The following SGIP1 variants were observed in gnomAD, a reference collection of about 807,000 sequenced individuals.
SGIP1 encodes SH3-containing GRB2-like protein 3-interacting protein 1.
SGIP1 carries 38 observed loss-of-function variants against 107.5 expected under a neutral mutation model. The ratio of observed to expected loss-of-function variants is 0.35; its 90% CI spans 0.27 to 0.46. The LOEUF is 0.46. Ranked by LOEUF, SGIP1 falls within the 20% of genes least tolerant of loss-of-function variation. SGIP1 has a pLI of 1.00. For missense variants in SGIP1, 929 were observed against 1,019.5 expected (o/e 0.91, Z 1.21); for synonymous variants, 365 against 366.1 (o/e 1.00, Z 0.03).
In SGIP1 at chr1:66,642,815, A is replaced by G; in HGVS notation, c.234A>G (p.Ser78=). The change falls in exon 6 of 25, where the codon TCA becomes TCG. Residue 78 remains serine (S), a synonymous_variant. Coordinates refer to ENST00000371037, the MANE Select transcript of SGIP1 (RefSeq NM_032291.4). ...TGTGCACTTGTGTTTTATAGAACTC[A>G]CCTGAGCTGGATGAAGAAGGCTACA... is the stretch of plus-strand genomic sequence containing the variant. ...YAEIDWERYN[S]PELDEEGYSI... The G allele has an allele frequency of 1.2e-6, 2 of 1,612,100 alleles. No individual in the cohort carries two copies. The highest frequency in any genetic ancestry group is 1.7e-4 in the Middle Eastern group (1 of 6,046).
chr1:66,703,017 C>T (rs2092123819), intron 18 of SGIP1, among the ~76,000 whole-genome samples: 1 of 152,114 alleles, frequency 6.6e-6, no homozygotes, highest in African/African-American at 2.4e-5. Flanking sequence ...TATGCGTGGA[C>T]AATTTTAAAA....
At chr1:66,683,894 T>G (rs187382846) in intron 15 of SGIP1, among the ~76,000 whole-genome samples, 1 of 151,886 alleles carries the variant, frequency 6.6e-6, no homozygotes, top group Admixed American at 6.6e-5. Flanking sequence ...AGACAGGGTT[T>G]TCAGTAGAGA....
At chr1:66,554,845 C>T (rs979193167) in intron 1 of SGIP1, among the ~76,000 whole-genome samples, 3 of 152,076 alleles carry the variant, frequency 2.0e-5, no homozygotes, top group Non-Finnish European at 4.4e-5. Flanking sequence ...TCCAACTTTG[C>T]TACCGATTTT....
chr1:66,722,901 T>C (rs2093606920), intron 19 of SGIP1, among the ~76,000 whole-genome samples: 1 of 152,186 alleles, frequency 6.6e-6, no homozygotes, highest in Admixed American at 6.5e-5. Flanking sequence ...AATATTAGTG[T>C]TTTTCCTATA....
intron 17 of SGIP1, chr1:66,695,197 A>G: frequency 1.3e-6 from 1 of 781,842 alleles, no homozygotes; most frequent in Non-Finnish European, 1.9e-6. Context: ...GCGACCACCA[A>G]CACATTCCCA....
At chr1:66,726,092 T>C (rs1048419783) in intron 19 of SGIP1, among the ~76,000 whole-genome samples, 1 of 152,158 alleles carries the variant, frequency 6.6e-6, no homozygotes, top group Admixed American at 6.5e-5. Context: ...CTGGGGACAC[T>C]ACATGCACTG....
At chr1:66,569,106 C>T (rs10889630) in intron 1 of SGIP1, among the ~76,000 whole-genome samples, 19,474 of 151,940 alleles carry the variant, frequency 0.13, 1,332 homozygotes, top group Admixed American at 0.18. Context: ...GAGCTTATAC[C>T]TGGAAGGATA....
intron 22 of SGIP1, among the ~76,000 whole-genome samples, chr1:66,740,044 CT>C (rs1366150268): frequency 2.6e-5 from 4 of 152,200 alleles, no homozygotes; most frequent in African/African-American, 7.2e-5. Context: ...CTCTGTCTCC[CT>C]TCTGTCTTCT....
At chr1:66,648,750 G>A (rs535955686) in intron 7 of SGIP1, among the ~76,000 whole-genome samples, 3 of 152,172 alleles carry the variant, frequency 2.0e-5, no homozygotes, top group African/African-American at 7.2e-5. Flanking sequence ...TAAATATTTT[G>A]TTCTAGAATT....
chr1:66,626,122 C>T (rs4655644), intron 2 of SGIP1: 43,966 of 216,384 alleles, frequency 0.2, 5,684 homozygotes, highest in East Asian at 0.54. Context: ...GTTTTTATCA[C>T]ATTTTTCTTT....
Position 66,639,938 on chromosome 1 carries a change from G to A in SGIP1, c.228+105G>A, listed in dbSNP as rs1027108086. The A allele has an allele frequency of 1.0e-5, 9 of 876,824 alleles. No individual in the cohort carries two copies. The African/African-American group carries it at 1.5e-4, about 15-fold the overall frequency. The allele number at this position is 876,824 out of a possible 1,614,324, so 54.3% of individuals were successfully genotyped here. ...TAGAAATAAGCGAAATGCTCTCCAT[G>A]TCATTAGGAAGTGTCTGGCATATTT... On this transcript the variant is annotated intron_variant, in intron 5 of 24. Transcript: ENST00000371037.
intron 17 of SGIP1, among the ~76,000 whole-genome samples, chr1:66,690,804 A>G (rs1029049784): frequency 2.0e-5 from 3 of 152,178 alleles, no homozygotes; most frequent in African/African-American, 7.2e-5. Context: ...AGACTTGAGC[A>G]AACTTTTCGA....
intron 7 of SGIP1, among the ~76,000 whole-genome samples, chr1:66,657,305 C>T (rs2079986790): frequency 6.6e-6 from 1 of 152,110 alleles, no homozygotes; most frequent in Non-Finnish European, 1.5e-5. Context: ...GTCTTGATCC[C>T]ACTCTATGAT....
chr1:66,691,264 G>A (rs958748802), intron 17 of SGIP1, among the ~76,000 whole-genome samples: 3 of 152,142 alleles, frequency 2.0e-5, no homozygotes, highest in African/African-American at 4.8e-5. Flanking sequence ...TGCTACTCTC[G>A]GAAGAGCAGT....
At position 66,746,657 on chromosome 1, in the gene SGIP1, G is replaced by A. The variant is rs1446870647; in HGVS notation, c.*3562G>A. ...ACTCTTTTTAATTCCTGTTTTACAA[G>A]TGATGACACTGAGGCTTAAATAGAA... On this transcript the variant is annotated 3_prime_UTR_variant, in exon 25 of 25. Transcript: ENST00000371037. 2 of 152,042 alleles carry A rather than the reference G, an allele frequency of 1.3e-5. No individual in the cohort carries two copies. Among genetic ancestry groups the A allele is most frequent in the East Asian group, 3.9e-4 (2 of 5,194 alleles). 9.4% of individuals were successfully genotyped at this position (152,042 alleles called of 1,614,324 possible). A position where few individuals can be genotyped will look rare whatever the true frequency, so the allele number is the denominator to read the frequency against.
Position 66,677,090 on chromosome 1 carries a change from A to G in SGIP1, c.733A>G (p.Thr245Ala). ...ESPKLTRPFP[T>A]GTPPPLPPKN... is the part of the protein sequence containing the mutation. Reference sequence around the variant, plus strand: ...GCCAAAGTTAACAAGGCCTTTTCCCACTGGAAGTAAGTTATGTGTCTGCTC... The same window carrying G: ...GCCAAAGTTAACAAGGCCTTTTCCCGCTGGAAGTAAGTTATGTGTCTGCTC... The change falls in exon 13 of 25, where the codon ACT (threonine) becomes GCT (alanine). Residue 245 changes from threonine to alanine, a missense_variant. Transcript: ENST00000371037. 5 of 1,613,516 alleles carry G rather than the reference A, an allele frequency of 3.1e-6. No homozygotes were observed. Among genetic ancestry groups the G allele is most frequent in the Non-Finnish European group, 4.2e-6 (5 of 1,179,556 alleles).
chr1:66,557,492 G>T (rs967934999), intron 1 of SGIP1, among the ~76,000 whole-genome samples: 1 of 152,026 alleles, frequency 6.6e-6, no homozygotes, highest in East Asian at 1.9e-4. Flanking sequence ...CATTAAACTC[G>T]GATTTCTCTA....
intron 19 of SGIP1, among the ~76,000 whole-genome samples, chr1:66,723,305 T>C (rs1292520503): frequency 6.6e-6 from 1 of 152,192 alleles, no homozygotes; most frequent in Non-Finnish European, 1.5e-5. Flanking sequence ...GGAACAGAAA[T>C]CTACTATCTT....
chr1:66,541,833 C>T (rs1312771958), intron 1 of SGIP1, among the ~76,000 whole-genome samples: 1 of 152,164 alleles, frequency 6.6e-6, no homozygotes, highest in East Asian at 1.9e-4. Context: ...CTAACAGATA[C>T]ACCTGGAGTG....
Sources: gnomAD v4.1 joint callset for allele counts (sites outside exome capture counted in the v4.1 genomes callset) on GRCh38, gnomAD v4.1.1 for gene constraint, MANE v1.5 for transcripts, NCBI Gene and HGNC (gene_info 2026-07-23, HGNC 2026-07-21) for gene names.